Variants in NELL1 observed in about 807,000 individuals in gnomAD.
NELL1 encodes the protein neural EGFL like 1, also known as protein kinase C-binding protein NELL1.
In NELL1, 76 loss-of-function variants were observed where a neutral mutation model predicts 107.4. The observed-to-expected ratio is 0.71, with a 90% CI of 0.59 to 0.86. The LOEUF (loss-of-function observed/expected upper bound fraction) is 0.86. NELL1 is among the 40% of genes least tolerant of loss of function. The probability of loss-of-function intolerance (pLI) is 0.00; values close to 1 mark genes in which losing one functional copy is unlikely to be tolerated. For synonymous variants in NELL1, 353 were observed against 341.2 expected (o/e 1.03, Z -0.38); for missense variants, 1,024 against 1,005.5 (o/e 1.02, Z -0.25).
chr11:21,209,324 GTA>G (rs1857451113), intron 13 of NELL1, among the ~76,000 whole-genome samples: 1 of 63,692 alleles, frequency 1.6e-5, no homozygotes, highest in East Asian at 6.7e-4. Context: ...TGGTACATAT[GTA>G]TATATTATAT....
chr11:21,484,260 C>T (rs1854572137), intron 15 of NELL1, among the ~76,000 whole-genome samples: 1 of 151,016 alleles, frequency 6.6e-6, no homozygotes, highest in African/African-American at 2.4e-5. Context: ...GCAACATAAA[C>T]ACCTAAGGAA....
intron 15 of NELL1, among the ~76,000 whole-genome samples, chr11:21,462,223 C>T (rs1023667419): frequency 9.2e-5 from 14 of 152,118 alleles, no homozygotes; most frequent in Admixed American, 7.9e-4. Flanking sequence ...CATACTAGGC[C>T]AAATAAATAT....
At chr11:21,405,976 C>T (rs1852224674) in intron 15 of NELL1, among the ~76,000 whole-genome samples, 4 of 151,860 alleles carry the variant, frequency 2.6e-5, no homozygotes, top group Admixed American at 1.3e-4. Context: ...GATTTAAAAC[C>T]ACAATTCATA....
At chr11:21,240,410 A>G (rs981077451) in intron 14 of NELL1, among the ~76,000 whole-genome samples, 18 of 151,974 alleles carry the variant, frequency 1.2e-4, no homozygotes, top group Non-Finnish European at 2.4e-4. Flanking sequence ...CTTAATTCCA[A>G]TTTAGTTCTA....
intron 12 of NELL1, among the ~76,000 whole-genome samples, chr11:21,040,993 G>C (rs183973353): frequency 2.0e-5 from 3 of 152,224 alleles, no homozygotes; most frequent in African/African-American, 7.2e-5. Context: ...GCTTTCCTTT[G>C]TCAACTTTCT....
At chr11:21,316,554 G>C (rs1378798408) in intron 14 of NELL1, among the ~76,000 whole-genome samples, 2 of 152,076 alleles carry the variant, frequency 1.3e-5, no homozygotes, top group Non-Finnish European at 2.9e-5. Flanking sequence ...TCTCAAACTG[G>C]CTTCATCTAG....
At chr11:21,256,347 G>T (rs2133916802) in intron 14 of NELL1, among the ~76,000 whole-genome samples, 1 of 152,136 alleles carries the variant, frequency 6.6e-6, no homozygotes, top group Non-Finnish European at 1.5e-5. Context: ...ATTTATTTCT[G>T]CACTGTGTAG....
chr11:21,147,956 A>C (rs1354316326), intron 13 of NELL1, among the ~76,000 whole-genome samples: 1 of 152,054 alleles, frequency 6.6e-6, no homozygotes, highest in Non-Finnish European at 1.5e-5. Context: ...CCCTAATGGA[A>C]AGTTAAGCTA....
intron 3 of NELL1, among the ~76,000 whole-genome samples, chr11:20,807,020 A>G (rs1045323737): frequency 7.4e-5 from 11 of 149,088 alleles, no homozygotes; most frequent in African/African-American, 1.5e-4. Context: ...ACATATCTCT[A>G]TCACTCTGGG....
chr11:21,077,162 G>T (rs890729625), intron 12 of NELL1, among the ~76,000 whole-genome samples: 5 of 152,018 alleles, frequency 3.3e-5, no homozygotes, highest in Admixed American at 1.3e-4. Context: ...TTTCTTTAAA[G>T]ATGCATAAAA....
chr11:21,113,689 T>A lies in NELL1; in HGVS notation c.1401T>A (p.Ile467=). The change falls in exon 13 of 20, where the codon ATT becomes ATA. Residue 467 remains isoleucine (I), a synonymous_variant. Transcript: ENST00000357134. The part of the protein sequence containing the change: ...LYRCDCVPGY[I]RVDDFSCTEH... ...GCTGTGACTGTGTCCCAGGATACAT[T>A]CGTGTGGATGACTTCTCTTGTACAG... 1 of 1,612,130 alleles carries A rather than the reference T, an allele frequency of 6.2e-7. No homozygotes were observed. Among genetic ancestry groups the A allele is most frequent in the African/African-American group, 1.3e-5 (1 of 74,916 alleles).
chr11:21,091,535 G>A (rs1351111865), intron 12 of NELL1, among the ~76,000 whole-genome samples: 1 of 152,008 alleles, frequency 6.6e-6, no homozygotes, highest in Admixed American at 6.6e-5. Context: ...TCATTCTAGG[G>A]TCTACTGTTA....
intron 16 of NELL1, among the ~76,000 whole-genome samples, chr11:21,547,980 C>T: frequency 6.6e-6 from 1 of 151,726 alleles, no homozygotes; most frequent in East Asian, 2.0e-4. Context: ...CTACCGATTC[C>T]TAAATATACA....
At chr11:20,903,265 T>G (rs372242159) in intron 5 of NELL1, among the ~76,000 whole-genome samples, 11 of 152,178 alleles carry the variant, frequency 7.2e-5, no homozygotes, top group African/African-American at 2.6e-4. Flanking sequence ...GAACTCACAT[T>G]CAATGCAATG....
Position 20,766,660 on chromosome 11 carries a change from T to A in NELL1, c.185-17020T>A, listed in dbSNP as rs143578809. Among the ~76,000 whole-genome samples, 95 of 152,280 alleles carry A rather than the reference T, an allele frequency of 6.2e-4. 1 individual carries two copies. Among genetic ancestry groups the A allele is most frequent in the African/African-American group, 2.1e-3 (89 of 41,566 alleles). ...TTGGCATCCCTTCTCTCTCAATCTTTGACTGGATGGAGAAAAATCATTTCT... is the reference window on the plus strand; with the variant it reads ...TTGGCATCCCTTCTCTCTCAATCTTAGACTGGATGGAGAAAAATCATTTCT... On this transcript the variant is annotated intron_variant, in intron 2 of 19. Transcript: ENST00000357134.
chr11:21,390,519 A>T (rs916353805), intron 15 of NELL1, among the ~76,000 whole-genome samples: 81 of 151,328 alleles, frequency 5.4e-4, no homozygotes, highest in Non-Finnish European at 5.9e-4. Flanking sequence ...GAACACACAC[A>T]CACACACACA....
intron 4 of NELL1, among the ~76,000 whole-genome samples, chr11:20,883,987 C>A (rs781404810): frequency 7.9e-5 from 12 of 152,194 alleles, no homozygotes; most frequent in Non-Finnish European, 1.2e-4. Flanking sequence ...AAAGAAAACA[C>A]ATTCTGTCTT....
At chr11:21,419,419 G>GA (rs1852604058) in intron 15 of NELL1, among the ~76,000 whole-genome samples, 1 of 152,084 alleles carries the variant, frequency 6.6e-6, no homozygotes, top group African/African-American at 2.4e-5. Context: ...TGCACATTAG[G>GA]AAAAAGAAAC....
At chr11:21,356,364 T>C (rs1850933143) in intron 14 of NELL1, among the ~76,000 whole-genome samples, 1 of 152,136 alleles carries the variant, frequency 6.6e-6, no homozygotes, top group South Asian at 2.1e-4. Context: ...ACTGTTGAGA[T>C]AGGGAGCTAG....
Sources: allele counts gnomAD v4.1 joint callset (sites outside exome capture counted in the v4.1 genomes callset), GRCh38; gene constraint gnomAD v4.1.1; transcripts MANE v1.5; gene names NCBI Gene and HGNC (gene_info 2026-07-23, HGNC 2026-07-21).